Variants in POLA2 observed in about 807,000 individuals in gnomAD.
POLA2 encodes the protein DNA polymerase alpha subunit B.
In POLA2, 47 loss-of-function variants were observed where a neutral mutation model predicts 82.8. That is an observed-to-expected ratio of 0.57 (90% CI 0.45 to 0.72). POLA2 has a LOEUF of 0.72. Among genes scored for constraint, POLA2 ranks in the 30% least tolerant of loss-of-function variants. The pLI is 0.00. For synonymous variants in POLA2, 287 were observed against 286.8 expected, an observed-to-expected ratio of 1.00 and a Z score of -0.01; for missense variants, 634 against 728.1, an observed-to-expected ratio of 0.87 and a Z score of 1.49.
At chr11:65,268,764 A>G (rs1182345701) in intron 4 of POLA2, 35 bp downstream of exon 4, 62 of 1,371,452 alleles carry the variant, frequency 4.5e-5, no homozygotes, top group Non-Finnish European at 6.1e-5. Flanking sequence ...GCATTTTACA[A>G]GTAACATTTT....
At chr11:65,302,461 G>A (rs1267215046), downstream of POLA2, among the ~76,000 whole-genome samples, 1 of 152,150 alleles carries the variant, frequency 6.6e-6, no homozygotes, top group African/African-American at 2.4e-5. Context: ...CAGGGCACAA[G>A]GGTGGCACAA....
intron 13 of POLA2, 121 bp from the exon 14 acceptor site, chr11:65,294,032 G>A (rs2137588700): frequency 3.7e-6 from 3 of 809,332 alleles, no homozygotes; most frequent in Middle Eastern, 4.5e-4. Flanking sequence ...GTGCAGTTCT[G>A]AGCTGCCTCC....
At position 65,281,092 on chromosome 11, in the gene POLA2, C is replaced by G; in HGVS notation, c.845C>G (p.Ala282Gly). Reference sequence around the variant, plus strand: ...GGAGACCGGGAACATTCCTCGGGTGCTCAAATTCCAGTGGATTTATCTGAG... The same window carrying G: ...GGAGACCGGGAACATTCCTCGGGTGGTCAAATTCCAGTGGATTTATCTGAG... Reference protein sequence around the residue: ...LEGDREHSSGAQIPVDLSELK... With the variant: ...LEGDREHSSGGQIPVDLSELK... The change falls in exon 8 of 18, where the codon GCT becomes GGT. Residue 282 changes from alanine (A) to glycine (G), a missense_variant. Ala to Gly is a moderately conservative substitution (Grantham distance 60, BLOSUM62 0). Coordinates refer to ENST00000265465, the MANE Select transcript of POLA2 (RefSeq NM_002689.4). 1 of 1,614,110 alleles carries G rather than the reference C, an allele frequency of 6.2e-7. No individual in the cohort carries two copies. The highest frequency in any genetic ancestry group is 1.7e-4 in the Middle Eastern group (1 of 6,050).
Position 65,287,841 on chromosome 11 carries a change from G to A in POLA2, c.1131+1G>A. On this transcript the variant is annotated splice_donor_variant, in intron 11 of 17. Coordinates refer to ENST00000265465, the MANE Select transcript of POLA2 (RefSeq NM_002689.4). LOFTEE classifies it high-confidence loss of function. ...TGACCGGCCAGATGTCTGCATCCTG[G>A]TAAGAGGCACCAGTGGGAAAGCTGA... 6.2e-7 allele frequency: 1 copy of A among 1,613,044 alleles called. No individual in the cohort carries two copies. Among genetic ancestry groups the A allele is most frequent in the Non-Finnish European group, 8.5e-7 (1 of 1,179,566 alleles).
At chr11:65,291,548 C>T (rs1949755630) in intron 13 of POLA2, among the ~76,000 whole-genome samples, 1 of 152,164 alleles carries the variant, frequency 6.6e-6, no homozygotes, top group South Asian at 2.1e-4. Flanking sequence ...TTCATCAGGC[C>T]TGGAGAGTGG....
chr11:65,262,924 G>A (rs1014281900), intron 1 of POLA2, among the ~76,000 whole-genome samples: 3 of 152,146 alleles, frequency 2.0e-5, no homozygotes, highest in Admixed American at 6.6e-5. Context: ...AACAGACAAG[G>A]AAAGCTAATT....
chr11:65,262,183 G>T lies in POLA2; in HGVS notation c.-110G>T. ...GTCACCTCCTGTCACGGTCCGCGGA[G>T]GGGGGAAGGATAAGAGGGCGAGGAG... is the stretch of plus-strand genomic sequence containing the variant. On this transcript the variant is annotated 5_prime_UTR_variant, in exon 1 of 18. In the 5' UTR this introduces an upstream ATG that the reference lacks. Transcript: ENST00000265465. 1 of 786,972 alleles carries T rather than the reference G, an allele frequency of 1.3e-6. No individual in the cohort carries two copies. The highest frequency in any genetic ancestry group is 2.1e-6 in the Non-Finnish European group (1 of 466,370). 48.7% of individuals were successfully genotyped at this position (786,972 alleles called of 1,614,324 possible).
intron 13 of POLA2, among the ~76,000 whole-genome samples, chr11:65,290,600 C>A (rs1381513329): frequency 6.6e-6 from 1 of 152,158 alleles, no homozygotes; most frequent in East Asian, 1.9e-4. Flanking sequence ...TCAGCTAGAA[C>A]CCTTGAACTT....
intron 4 of POLA2, among the ~76,000 whole-genome samples, chr11:65,272,567 C>T (rs1214843186): frequency 6.6e-6 from 1 of 152,172 alleles, no homozygotes; most frequent in East Asian, 1.9e-4. Context: ...AGCCTGAGGA[C>T]TTGACGTTCC....
chr11:65,282,905 G>A (rs1362375244), intron 10 of POLA2, among the ~76,000 whole-genome samples: 1 of 152,180 alleles, frequency 6.6e-6, no homozygotes, highest in Non-Finnish European at 1.5e-5. Context: ...AAGGTGGGAG[G>A]ATCACCTGAG....
chr11:65,301,232 C>T (rs534614948), downstream of POLA2, among the ~76,000 whole-genome samples: 1 of 152,186 alleles, frequency 6.6e-6, no homozygotes, highest in East Asian at 1.9e-4. Flanking sequence ...GTGATGGGCC[C>T]GGAATGGTGC....
At position 65,278,850 on chromosome 11, in the gene POLA2, G is replaced by C. The variant is rs777411061; in HGVS notation, c.582G>C (p.Lys194Asn). The change falls in exon 6 of 18, where the codon AAG becomes AAC. Residue 194 changes from lysine to asparagine, a missense_variant. Physicochemically the swap from Lys to Asn is moderately conservative, Grantham distance 94 (BLOSUM62 0). Transcript: ENST00000265465. ...GAGGAGCTGGAAACATCAGCCTGAA[G>C]GTCTTGGGATGTCCAGAGGCACTAA... Reference protein sequence around the residue: ...GRGGAGNISLKVLGCPEALTG... With the variant: ...GRGGAGNISLNVLGCPEALTG... The C allele has an allele frequency of 6.2e-7, 1 of 1,613,772 alleles. No homozygotes were observed. Among genetic ancestry groups the C allele is most frequent in the South Asian group, 1.1e-5 (1 of 91,066 alleles).
intron 10 of POLA2, among the ~76,000 whole-genome samples, 166 bp downstream of exon 10, chr11:65,282,687 C>T (rs1476855066): frequency 6.6e-6 from 1 of 152,200 alleles, no homozygotes; most frequent in Non-Finnish European, 1.5e-5. Context: ...TGTCACAAGA[C>T]CCCTGGTCTG....
chr11:65,268,533 G>A (rs1334228817), intron 3 of POLA2, 139 bp from the exon 4 acceptor site: 6 of 551,918 alleles, frequency 1.1e-5, no homozygotes, highest in Non-Finnish European at 1.9e-5. Context: ...TAGTAGAGAC[G>A]GGGTTTCACT....
At chr11:65,286,111 T>C (rs909635910) in intron 10 of POLA2, among the ~76,000 whole-genome samples, 1 of 152,166 alleles carries the variant, frequency 6.6e-6, no homozygotes, top group Admixed American at 6.5e-5. Flanking sequence ...CAAGGGTCCT[T>C]ATAAGAGGAA....
At chr11:65,266,837 G>A in intron 2 of POLA2, 131 bp downstream of exon 2, 2 of 810,266 alleles carry the variant, frequency 2.5e-6, no homozygotes, top group South Asian at 1.6e-5. Context: ...TGTGAGCTTG[G>A]ACAAACTATG....
chr11:65,296,187 A>C, intron 17 of POLA2, 197 bp downstream of exon 17: 1 of 599,126 alleles, frequency 1.7e-6, no homozygotes, highest in Admixed American at 2.6e-5. Context: ...TGCTTGAGTA[A>C]ACAGTGTCCT....
At chr11:65,288,367 C>T (rs1949719187) in intron 11 of POLA2, among the ~76,000 whole-genome samples, 1 of 152,024 alleles carries the variant, frequency 6.6e-6, no homozygotes, top group South Asian at 2.1e-4. Context: ...TTACAGTATT[C>T]TTACTTCTTT....
intron 11 of POLA2, 109 bp downstream of exon 11, chr11:65,287,949 T>G (rs991484671): frequency 9.3e-7 from 1 of 1,073,712 alleles, no homozygotes; most frequent in Non-Finnish European, 1.3e-6. Context: ...AGAAAATATC[T>G]TTTCATTCTT....
Sources: allele counts gnomAD v4.1 joint callset (sites outside exome capture counted in the v4.1 genomes callset), GRCh38; gene constraint gnomAD v4.1.1; transcripts MANE v1.5; gene names NCBI Gene and HGNC (gene_info 2026-07-23, HGNC 2026-07-21).